The following CHIT1 variants were observed in gnomAD, a reference collection of about 807,000 sequenced individuals.
The protein encoded by CHIT1 is chitotriosidase-1.
Under a neutral mutation model 52.0 loss-of-function variants are expected in CHIT1, and 47 were observed. The observed-to-expected ratio is 0.90, with a 90% CI of 0.71 to 1.15. The LOEUF (loss-of-function observed/expected upper bound fraction) is 1.15, where lower values mean the gene tolerates loss of function less well. Ranked by LOEUF, CHIT1 falls within the 50% of genes most tolerant of loss-of-function variation. The pLI, the probability that CHIT1 is intolerant of heterozygous loss-of-function variation, is 0.00. For missense variants in CHIT1, 569 were observed against 583.0 expected (o/e 0.98, Z 0.25); for synonymous variants, 242 against 228.2 (o/e 1.06, Z -0.54).
rs1174694273 is a variant in CHIT1 at position 203,223,641 on chromosome 1, T to C, written c.334A>G (p.Thr112Ala). The C allele has an allele frequency of 1.9e-6, 3 of 1,614,172 alleles. No individual in the cohort carries two copies. Among genetic ancestry groups the C allele is most frequent in the Admixed American group, 1.7e-5 (1 of 60,024 alleles). ...GTQKFTDMVA[T>A]ANNRQTFVNS... is the part of the protein sequence containing the mutation. Reference sequence around the variant, plus strand: ...ACAAAGGTCTGACGGTTGTTGGCCGTGGCTACCATATCTGTGAACCTGTGA... The same window carrying C: ...ACAAAGGTCTGACGGTTGTTGGCCGCGGCTACCATATCTGTGAACCTGTGA... Residue 112 changes from threonine to alanine, a missense_variant, in exon 5 of 11, where the codon ACG becomes GCG. Thr to Ala is a moderately conservative substitution (Grantham distance 58). Transcript: ENST00000367229.
In CHIT1 at chr1:203,219,827, A is replaced by G. The variant is rs1373374476; in HGVS notation, c.752T>C (p.Leu251Pro). 1.2e-6 allele frequency: 2 copies of G among 1,612,300 alleles called. No homozygotes were observed. Among genetic ancestry groups the G allele is most frequent in the South Asian group, 1.1e-5 (1 of 91,000 alleles). The change falls in exon 8 of 11, where the codon CTG (leucine) becomes CCG (proline). Residue 251 changes from leucine (L) to proline (P), a missense_variant. Transcript: ENST00000367229. ...CTTGCTGGCAGGGGTCCCCTTCTGC[A>G]GCCACTGTTGCACAGCAGCATCCTG... ...LNVDAAVQQW[L>P]QKGTPASKLI...
At chr1:203,227,284 C>T (rs1319001169) in intron 2 of CHIT1, among the ~76,000 whole-genome samples, 1 of 152,048 alleles carries the variant, frequency 6.6e-6, no homozygotes, top group African/African-American at 2.4e-5. Context: ...GGGGTGTAGC[C>T]TGCAATGATA....
chr1:203,217,336 G>A, intron 10 of CHIT1: 1 of 1,522,016 alleles, frequency 6.6e-7, no homozygotes, highest in African/African-American at 1.4e-5. Flanking sequence ...GGCAACACCT[G>A]GCCTCACATG....
rs192371954 is a variant in CHIT1, at chr1:203,220,749, G to A, written c.730-900C>T. Among the ~76,000 whole-genome samples, 525 of 152,260 alleles carry A rather than the reference G, an allele frequency of 3.4e-3. 3 individuals are homozygous for A. Among genetic ancestry groups the A allele is most frequent in the Non-Finnish European group, 5.9e-3 (398 of 68,028 alleles). The stretch of plus-strand genomic sequence containing the variant: ...TTGTCCATCTATACAACTTATCTTT[G>A]ATCAGATGGGTGCTTTCTGAAGGCA... On this transcript the variant is annotated intron_variant, in intron 7 of 10. Coordinates refer to ENST00000367229, the MANE Select transcript of CHIT1 (RefSeq NM_003465.3).
In CHIT1 at chr1:203,216,108, A is replaced by G. The variant is rs1656514472; in HGVS notation, c.*781T>C. On this transcript the variant is annotated 3_prime_UTR_variant, in exon 11 of 11. Coordinates refer to ENST00000367229, the MANE Select transcript of CHIT1 (RefSeq NM_003465.3). The stretch of plus-strand genomic sequence containing the variant: ...GTTGGGATGACTTTATTTAACCAGG[A>G]CACCGTGTGCATGCTCTCTGGCCCA... The G allele has an allele frequency of 2.2e-6, 1 of 453,902 alleles. No individual in the cohort carries two copies. The highest frequency in any genetic ancestry group is 4.4e-6 in the Non-Finnish European group (1 of 226,730). The allele number at this position is 453,902 out of a possible 1,614,324, so 28.1% of individuals were successfully genotyped here.
chr1:203,217,776 G>T lies in CHIT1; in HGVS notation c.1119C>A (p.Gly373=). 9 of 1,611,770 alleles carry T rather than the reference G, an allele frequency of 5.6e-6. No individual in the cohort carries two copies. The highest frequency in any genetic ancestry group is 6.8e-6 in the Non-Finnish European group (8 of 1,179,128). Residue 373 remains glycine (G), a synonymous_variant, in exon 10 of 11, where the codon GGC becomes GGA. Transcript: ENST00000367229. ...GTAGCGTCTGGATGAGGGGGTATCG[G>T]CCCTGGTTGCAGGAGAAGCCGGCAA... The part of the protein sequence containing the change: ...DDFAGFSCNQ[G]RYPLIQTLRQ...
rs561518705 is a variant in CHIT1, at chr1:203,224,395, A to G, written c.314+653T>C. 1.1e-4 allele frequency among the ~76,000 whole-genome samples: 17 copies of G among 152,340 alleles called. No homozygotes were observed. In the South Asian group the frequency reaches 3.5e-3, roughly 32 times the overall value. On this transcript the variant is annotated intron_variant, in intron 4 of 10. Coordinates refer to ENST00000367229, the MANE Select transcript of CHIT1 (RefSeq NM_003465.3). ...GGCTAAAAACTCCTGCTGCATTTCA[A>G]TAAACAGTCTGTATATAAGCATTAT... is the stretch of plus-strand genomic sequence containing the variant.
chr1:203,217,431 G>C, intron 10 of CHIT1: 1 of 1,444,684 alleles, frequency 6.9e-7, no homozygotes, highest in Admixed American at 2.0e-5. Flanking sequence ...GCAGGCTAAG[G>C]GGAGGCTTTC....
chr1:203,219,945 G>T (rs894563812), intron 7 of CHIT1, 96 bp from the exon 8 acceptor site: 3 of 1,420,590 alleles, frequency 2.1e-6, no homozygotes, highest in African/African-American at 2.8e-5. Context: ...GAGGGCAGGG[G>T]CTCCTCAGCT....
At chr1:203,217,401 G>A (rs1184885801) in intron 10 of CHIT1, 3 of 1,491,818 alleles carry the variant, frequency 2.0e-6, no homozygotes, top group Non-Finnish European at 1.8e-6. Context: ...ACTGCTGAGG[G>A]CAGGTGGGGG....
intron 4 of CHIT1, 151 bp downstream of exon 4, chr1:203,224,897 A>G (rs993131568): frequency 4.1e-5 from 30 of 723,784 alleles, no homozygotes; most frequent in Non-Finnish European, 2.0e-5. Flanking sequence ...AAGAACCCAG[A>G]AGGAAATTCA....
At chr1:203,229,047 T>G (rs529501366) in intron 1 of CHIT1, among the ~76,000 whole-genome samples, 4 of 152,288 alleles carry the variant, frequency 2.6e-5, no homozygotes, top group African/African-American at 9.6e-5. Context: ...CTGGCTGTGG[T>G]AGGCAACCAC....
At chr1:203,219,620 C>T (rs750752174) in intron 8 of CHIT1, 44 bp downstream of exon 8, 52 of 1,600,628 alleles carry the variant, frequency 3.2e-5, no homozygotes, top group African/African-American at 4.0e-5. Context: ...TCTCAGGCAC[C>T]CCCTGACCCT....
chr1:203,225,488 C>G (rs1656893391), intron 3 of CHIT1, among the ~76,000 whole-genome samples, 181 bp downstream of exon 3: 1 of 152,144 alleles, frequency 6.6e-6, no homozygotes, highest in Non-Finnish European at 1.5e-5. Context: ...TTGGGATCCC[C>G]TAAGCAAACC....
In CHIT1 at chr1:203,219,832, C is replaced by G. The variant is rs1403876953; in HGVS notation, c.747G>C (p.Gln249His). 55 of 1,612,132 alleles carry G rather than the reference C, an allele frequency of 3.4e-5. No homozygotes were observed. Among genetic ancestry groups the G allele is most frequent in the Non-Finnish European group, 4.3e-5 (51 of 1,179,860 alleles). ...ASLNVDAAVQ[Q>H]WLQKGTPASK... ...TGGCAGGGGTCCCCTTCTGCAGCCA[C>G]TGTTGCACAGCAGCATCCTGGTGGA... The change falls in exon 8 of 11, where the codon CAG (glutamine) becomes CAC (histidine). Residue 249 changes from glutamine to histidine, a missense_variant. Coordinates refer to ENST00000367229, the MANE Select transcript of CHIT1 (RefSeq NM_003465.3).
chr1:203,229,746 G>T (rs757494173), upstream of CHIT1: 1 of 1,304,120 alleles, frequency 7.7e-7, no homozygotes, highest in Non-Finnish European at 1.1e-6. Flanking sequence ...GCAATCAGGG[G>T]CACTGGGTGG....
rs1432716665 is a variant in CHIT1, at chr1:203,216,181, G to T, written c.*708C>A. ...CAGAATTGGTTAGAATCAGTCTTCA[G>T]TTTAAATGCCTATAAAGTGAGAATA... On this transcript the variant is annotated 3_prime_UTR_variant, in exon 11 of 11. Transcript: ENST00000367229. 1 of 454,104 alleles carries T rather than the reference G, an allele frequency of 2.2e-6. No homozygotes were observed. The highest frequency in any genetic ancestry group is 2.3e-5 in the Admixed American group (1 of 42,580). 28.1% of individuals were successfully genotyped at this position (454,104 alleles called of 1,614,324 possible). A position where few individuals can be genotyped will look rare whatever the true frequency, so the allele number is the denominator to read the frequency against.
In CHIT1 at chr1:203,220,288, G is replaced by A. The variant is rs1656688143; in HGVS notation, c.730-439C>T. On this transcript the variant is annotated intron_variant, in intron 7 of 10. Coordinates refer to ENST00000367229, the MANE Select transcript of CHIT1 (RefSeq NM_003465.3). ...TCTTAGGGCATTGTGAGAATTAAAG[G>A]TTATAATGCATGTAAAAGGTCAGCA... 2.0e-5 allele frequency among the ~76,000 whole-genome samples: 3 copies of A among 152,166 alleles called. No individual in the cohort carries two copies. The South Asian group carries it at 6.2e-4, about 32-fold the overall frequency.
chr1:203,228,618 G>A (rs1395964801), intron 1 of CHIT1, 56 bp from the exon 2 acceptor site: 16 of 1,547,660 alleles, frequency 1.0e-5, no homozygotes, highest in Non-Finnish European at 1.4e-5. Context: ...ACCTTCCCAG[G>A]CCCCACAGCT....
Sources: allele counts gnomAD v4.1 joint callset (sites outside exome capture counted in the v4.1 genomes callset), GRCh38; gene constraint gnomAD v4.1.1; transcripts MANE v1.5; gene names NCBI Gene and HGNC (gene_info 2026-07-23, HGNC 2026-07-21).